ZGRF1: variants seen among roughly 807,000 people sequenced by gnomAD.
The protein encoded by ZGRF1 is zinc finger GRF-type containing 1.
In ZGRF1, 196 loss-of-function variants were observed where a neutral mutation model predicts 203.5. The ratio of observed to expected loss-of-function variants is 0.96; its 90% CI spans 0.86 to 1.08. The LOEUF is 1.08. ZGRF1 is among the 50% of genes least tolerant of loss of function. ZGRF1 has a pLI of 0.00. For missense variants in ZGRF1, 2,326 were observed against 2,416.3 expected, an observed-to-expected ratio of 0.96 and a Z score of 0.78; for synonymous variants, 809 against 841.3, an observed-to-expected ratio of 0.96 and a Z score of 0.66.
At position 112,620,025 on chromosome 4, in the gene ZGRF1, A is replaced by G. The variant is rs1270158560; in HGVS notation, c.328T>C (p.Ser110Pro). The part of the protein sequence containing the change: ...SSGRSLGCQP[S>P]GLKRKFTGFQ... ...ACAGTAAACTTCCTTTTTAAGCCAG[A>G]GGGCTGACATCCAAGAGATCGGCCA... Residue 110 changes from serine (S) to proline (P), a missense_variant, in exon 5 of 28, where the codon TCT becomes CCT. Physicochemically the swap from Ser to Pro is moderately conservative, Grantham distance 74 (BLOSUM62 -1). Transcript: ENST00000505019. 6.3e-7 allele frequency: 1 copy of G among 1,587,770 alleles called. No homozygotes were observed. Among genetic ancestry groups the G allele is most frequent in the East Asian group, 2.2e-5 (1 of 44,500 alleles).
intron 10 of ZGRF1, among the ~76,000 whole-genome samples, chr4:112,591,307 G>A (rs935957211): frequency 6.6e-6 from 1 of 152,108 alleles, no homozygotes; most frequent in African/African-American, 2.4e-5. Context: ...GCTTATAAGG[G>A]AGTTCAAATC....
chr4:112,597,441 T>A (rs1371590871), intron 10 of ZGRF1, among the ~76,000 whole-genome samples: 1 of 151,906 alleles, frequency 6.6e-6, no homozygotes, highest in Non-Finnish European at 1.5e-5. Context: ...GGAGGTTGGC[T>A]TGGGCCCAGG....
rs1264173392 is a variant in ZGRF1, at chr4:112,577,196, A to G, written c.4438+4467T>C. On this transcript the variant is annotated intron_variant, in intron 16 of 27. Coordinates refer to ENST00000505019, the MANE Select transcript of ZGRF1 (RefSeq NM_018392.5). ...TCAAACTAAGCTTCATAAGTGAAGGAGAAATAAAATCCTTTACAGACAAGC... is the reference window on the plus strand; with the variant it reads ...TCAAACTAAGCTTCATAAGTGAAGGGGAAATAAAATCCTTTACAGACAAGC... Among the ~76,000 whole-genome samples the G allele has an allele frequency of 2.8e-4, 34 of 122,640 alleles. 10 individuals are homozygous for G. Among genetic ancestry groups the G allele is most frequent in the Admixed American group, 6.5e-4 (7 of 10,710 alleles). 80.5% of individuals were successfully genotyped at this position (122,640 alleles called of 152,430 possible). A position where few individuals can be genotyped will look rare whatever the true frequency, so the allele number is the denominator to read the frequency against.
At chr4:112,579,300 C>T (rs540847878) in intron 16 of ZGRF1, among the ~76,000 whole-genome samples, 1 of 122,862 alleles carries the variant, frequency 8.1e-6, no homozygotes, top group South Asian at 3.1e-4. Context: ...CTATGACAAA[C>T]CCACAGCCAA....
In ZGRF1 at chr4:112,560,972, T is replaced by C. The variant is rs749718758; in HGVS notation, c.4721A>G (p.Asn1574Ser). The change falls in exon 19 of 28, where the codon AAC becomes AGC. Residue 1574 changes from asparagine to serine, a missense_variant. Physicochemically the swap from Asn to Ser is conservative, Grantham distance 46 (BLOSUM62 1). Transcript: ENST00000505019. Reference protein sequence around the residue: ...LTTSSPTIVSNKRVSKRKFIP... With the variant: ...LTTSSPTIVSSKRVSKRKFIP... ...AAATTTTCTCTTACTGACTCTTTTG[T>C]TACTAACTATAGTTGGCGAAGACCT... 1 of 1,610,078 alleles carries C rather than the reference T, an allele frequency of 6.2e-7. No individual in the cohort carries two copies. The highest frequency in any genetic ancestry group is 2.2e-5 in the East Asian group (1 of 44,802).
chr4:112,635,190 C>A (rs2047552381), intron 1 of ZGRF1, among the ~76,000 whole-genome samples: 1 of 149,306 alleles, frequency 6.7e-6, no homozygotes, highest in African/African-American at 2.5e-5. Context: ...CTCCGGCGTA[C>A]ATAAATTGCT....
chr4:112,547,280 T>G lies in ZGRF1; in HGVS notation c.5598+5A>C, dbSNP rs1452408402. 1.2e-6 allele frequency: 2 copies of G among 1,611,112 alleles called. No homozygotes were observed. The highest frequency in any genetic ancestry group is 2.7e-5 in the African/African-American group (2 of 74,808). On this transcript the variant is annotated splice_donor_5th_base_variant and intron_variant, in intron 24 of 27. Coordinates refer to ENST00000505019, the MANE Select transcript of ZGRF1 (RefSeq NM_018392.5). Reference sequence around the variant, plus strand: ...ATAATTCCGTAAGAATTCAGCAGTATGTACCATTAAGCAAAGTCGATCAAA... The same window carrying G: ...ATAATTCCGTAAGAATTCAGCAGTAGGTACCATTAAGCAAAGTCGATCAAA...
At chr4:112,549,384 G>A (rs574443531) in intron 22 of ZGRF1, among the ~76,000 whole-genome samples, 14 of 152,106 alleles carry the variant, frequency 9.2e-5, no homozygotes, top group Non-Finnish European at 1.5e-4. Flanking sequence ...ATATACACAC[G>A]TACACACACA....
Position 112,587,400 on chromosome 4 carries a change from T to G in ZGRF1, c.3657A>C (p.Gln1219His), listed in dbSNP as rs1578370419. 4 of 1,613,952 alleles carry G rather than the reference T, an allele frequency of 2.5e-6. No homozygotes were observed. The highest frequency in any genetic ancestry group is 3.4e-6 in the Non-Finnish European group (4 of 1,179,870). The change falls in exon 12 of 28, where the codon CAA becomes CAC. Residue 1219 changes from glutamine (Q) to histidine (H), a missense_variant. Transcript: ENST00000505019. ...GTACTTTCTTTCTGGAAACCGAATC[T>G]TGACTGCTAAAATCCTGCCGCTGTT... ...LYQQRQDFSS[Q>H]DSVSRKKVLS...
intron 3 of ZGRF1, among the ~76,000 whole-genome samples, chr4:112,625,371 G>A (rs1489275840): frequency 5.9e-5 from 9 of 151,720 alleles, no homozygotes; most frequent in Admixed American, 5.3e-4. Flanking sequence ...GGATCACGAG[G>A]TCAGGAGATC....
At chr4:112,622,417 G>C (rs544727213) in intron 4 of ZGRF1, among the ~76,000 whole-genome samples, 1 of 151,700 alleles carries the variant, frequency 6.6e-6, no homozygotes, top group African/African-American at 2.4e-5. Flanking sequence ...CTACTTGGGA[G>C]GCTGAGGAAG....
rs1221081007 is a variant in ZGRF1, at chr4:112,606,108, A to G, written c.2719-17T>C. ...GGAAGAGAACTAGGATAAAATATGA[A>G]TAAGTTATCTAGTTAGCTAGAATAG... On this transcript the variant is annotated splice_polypyrimidine_tract_variant and intron_variant, in intron 8 of 27. Transcript: ENST00000505019. 2 of 1,422,744 alleles carry G rather than the reference A, an allele frequency of 1.4e-6. No individual in the cohort carries two copies. Among genetic ancestry groups the G allele is most frequent in the East Asian group, 2.3e-5 (1 of 43,930 alleles). 88.1% of individuals were successfully genotyped at this position (1,422,744 alleles called of 1,614,324 possible).
Position 112,558,227 on chromosome 4 carries a change from G to A in ZGRF1, c.5043C>T (p.Pro1681=), listed in dbSNP as rs746011035. The A allele has an allele frequency of 8.7e-6, 14 of 1,605,302 alleles. No homozygotes were observed. The highest frequency in any genetic ancestry group is 3.4e-5 in the Admixed American group (2 of 58,594). The change falls in exon 20 of 28, where the codon CCC becomes CCT. Residue 1681 remains proline, a synonymous_variant. Transcript: ENST00000505019. ...FVQLFEKSEA[P]TIGNARPWKL... is the part of the protein sequence containing the mutation. ...TCCACGGCCTTGCATTTCCAATGGT[G>A]GGAGCTTCACTCTTTTCAAACAGCT... is the stretch of plus-strand genomic sequence containing the variant.
chr4:112,593,287 A>C (rs1182844378), intron 10 of ZGRF1, among the ~76,000 whole-genome samples: 1 of 152,108 alleles, frequency 6.6e-6, no homozygotes, highest in Non-Finnish European at 1.5e-5. Context: ...TCTACCTCCA[A>C]GATTTGTCTT....
At chr4:112,628,669 C>T (rs1213465247) in intron 3 of ZGRF1, 1 of 456,138 alleles carries the variant, frequency 2.2e-6, no homozygotes, top group East Asian at 6.9e-5. Context: ...TCTTGTTTTC[C>T]TATAACCTAC....
rs1168742857 is a variant in ZGRF1, at chr4:112,553,862, C to CTA, written c.5318_5319insTA (p.Gly1774ArgfsTer8). ...GCTTCAGCAGGGTTCTATTGGTCCC[C>CTA]AGTTTATGCTGCTCAATGCTTTTTC... On this transcript the variant is annotated frameshift_variant, in exon 22 of 28. Transcript: ENST00000505019. LOFTEE classifies it high-confidence loss of function. The CTA allele has an allele frequency of 2.5e-6, 4 of 1,611,944 alleles. No homozygotes were observed. Among genetic ancestry groups the CTA allele is most frequent in the Non-Finnish European group, 3.4e-6 (4 of 1,179,410 alleles).
At chr4:112,552,232 G>A (rs1332072674) in intron 22 of ZGRF1, among the ~76,000 whole-genome samples, 2 of 151,418 alleles carry the variant, frequency 1.3e-5, no homozygotes, top group Non-Finnish European at 2.9e-5. Context: ...AGCTGAGACT[G>A]CGCCACTGCA....
intron 6 of ZGRF1, 106 bp downstream of exon 6, chr4:112,617,334 A>T: frequency 1.3e-6 from 1 of 791,692 alleles, no homozygotes; most frequent in East Asian, 2.7e-5. Context: ...TTACCTATTT[A>T]AACACTATGT....
At chr4:112,565,430 CAAAAA>C (rs35098422) in intron 16 of ZGRF1, 5 of 515,798 alleles carry the variant, frequency 9.7e-6, no homozygotes, top group South Asian at 2.5e-5. Flanking sequence ...ATTTCATTCT[CAAAAA>C]AAAAAAAAAA....
Sources: gnomAD v4.1 joint callset for allele counts (sites outside exome capture counted in the v4.1 genomes callset) on GRCh38, gnomAD v4.1.1 for gene constraint, MANE v1.5 for transcripts, NCBI Gene and HGNC (gene_info 2026-07-23, HGNC 2026-07-21) for gene names.